BAHCC1: variants seen among roughly 807,000 people sequenced by gnomAD.
BAHCC1 encodes the protein BAH and coiled-coil domain-containing protein 1.
In BAHCC1, 43 loss-of-function variants were observed where a neutral mutation model predicts 88.2. That is an observed-to-expected ratio of 0.49 (90% CI 0.38 to 0.63). The LOEUF is 0.63. Among genes scored for constraint, BAHCC1 ranks in the 20% least tolerant of loss-of-function variants. The pLI, the probability that BAHCC1 is intolerant of heterozygous loss-of-function variation, is 0.00. For synonymous variants in BAHCC1, 1,510 were observed against 745.5 expected, an observed-to-expected ratio of 2.03 and a Z score of -16.71; for missense variants, 3,023 against 1,654.8, an observed-to-expected ratio of 1.83 and a Z score of -14.34.
intron 3 of BAHCC1, among the ~76,000 whole-genome samples, chr17:81,430,346 T>C (rs2064246484): frequency 6.6e-6 from 1 of 152,010 alleles, no homozygotes; most frequent in African/African-American, 2.4e-5. Flanking sequence ...CCACTCGTGG[T>C]CTCTTGTGCC....
chr17:81,411,806 G>A lies in BAHCC1; in HGVS notation c.178+11889G>A, dbSNP rs893151166. Among the ~76,000 whole-genome samples, 2 of 152,194 alleles carry A rather than the reference G, an allele frequency of 1.3e-5. No individual in the cohort carries two copies. Among genetic ancestry groups the A allele is most frequent in the African/African-American group, 4.8e-5 (2 of 41,434 alleles). Reference sequence around the variant, plus strand: ...CCTTTGCCTCTACCCACACCTGCACGCCTCAGCAAGGTCGTTCCCGACAAG... The same window carrying A: ...CCTTTGCCTCTACCCACACCTGCACACCTCAGCAAGGTCGTTCCCGACAAG... On this transcript the variant is annotated intron_variant, in intron 2 of 27. Transcript: ENST00000675386. This position sits in a 1 kb window ranked among gnomAD's most constrained non-coding sequence, Gnocchi z 6.2.
In BAHCC1 at chr17:81,461,283, TG is replaced by T; in HGVS notation, c.6622del (p.Val2208SerfsTer8). On this transcript the variant is annotated frameshift_variant, in exon 26 of 28. Transcript: ENST00000675386. ...GGRRRAGGEFLVKLDHEGVTS... is the reference protein window; with the variant it reads ...GGRRRAGGEFXVKLDHEGVTS... Reference sequence around the variant, plus strand: ...CGGCGGCGGGCGGGCGGTGAGTTCCTGGTCAAGCTGGACCACGAGGGTGTGA... The same window carrying T: ...CGGCGGCGGGCGGGCGGTGAGTTCCTGTCAAGCTGGACCACGAGGGTGTGA... 1 of 706,412 alleles carries T rather than the reference TG, an allele frequency of 1.4e-6. No individual in the cohort carries two copies. The highest frequency in any genetic ancestry group is 2.0e-5 in the Admixed American group (1 of 49,316). The allele number at this position is 706,412 out of a possible 1,614,324, so 43.8% of individuals were successfully genotyped here. A position where few individuals can be genotyped will look rare whatever the true frequency, so the allele number is the denominator to read the frequency against.
rs574477166 is a variant in BAHCC1 at position 81,460,616 on chromosome 17, G to A, written c.6112G>A (p.Ala2038Thr). 3.2e-5 allele frequency: 25 copies of A among 770,850 alleles called. No homozygotes were observed. Among genetic ancestry groups the A allele is most frequent in the South Asian group, 3.1e-4 (23 of 73,268 alleles). The allele number at this position is 770,850 out of a possible 1,614,324, so 47.8% of individuals were successfully genotyped here. Residue 2038 changes from alanine (A) to threonine (T), a missense_variant, in exon 25 of 28, where the codon GCC (alanine) becomes ACC (threonine). Coordinates refer to ENST00000675386, the MANE Select transcript of BAHCC1 (RefSeq NM_001377448.1). ...CAGTGAGGCACCCCCGCCTAGTGAA[G>A]CCGCCACCCCCAGCCTGTCCCCCAA... ...VSSEAPPPSE[A>T]ATPSLSPKAQ...
In BAHCC1 at chr17:81,443,891, G is replaced by T; in HGVS notation, c.2298G>T (p.Gly766=). 1.4e-6 allele frequency: 1 copy of T among 713,088 alleles called. No homozygotes were observed. The allele number at this position is 713,088 out of a possible 1,614,324, so 44.2% of individuals were successfully genotyped here. The change falls in exon 6 of 28, where the codon GGG becomes GGT. Residue 766 remains glycine (G), a synonymous_variant. Coordinates refer to ENST00000675386, the MANE Select transcript of BAHCC1 (RefSeq NM_001377448.1). Reference sequence around the variant, plus strand: ...CGAGGCTATGTGATGACCGCCTGGGGCTTGCCAGCCGCGAGCTGCTGCTGC... The same window carrying T: ...CGAGGCTATGTGATGACCGCCTGGGTCTTGCCAGCCGCGAGCTGCTGCTGC... ...ERTRLCDDRL[G]LASRELLLQD...
intron 2 of BAHCC1, among the ~76,000 whole-genome samples, chr17:81,413,455 C>G (rs1483646738): frequency 7.2e-5 from 11 of 152,156 alleles, no homozygotes; most frequent in Admixed American, 6.5e-4. Context: ...GTCTTCCCCC[C>G]ACACCACACC....
chr17:81,418,609 GA>G (rs1555649061), intron 2 of BAHCC1, among the ~76,000 whole-genome samples: 1 of 152,174 alleles, frequency 6.6e-6, no homozygotes, highest in Non-Finnish European at 1.5e-5. Flanking sequence ...CGGAGGCCAA[GA>G]GCCCTTGCCA....
chr17:81,431,682 C>T (rs1215897114), intron 3 of BAHCC1, among the ~76,000 whole-genome samples: 1 of 152,210 alleles, frequency 6.6e-6, no homozygotes, highest in East Asian at 1.9e-4. Flanking sequence ...TGGCACCTGC[C>T]TCCCCCTGGC....
Position 81,461,039 on chromosome 17 carries a change from A to T in BAHCC1, c.6376A>T (p.Asn2126Tyr). ...PGVLQNLFQL[N>Y]GSSKKLRARE... is the part of the protein sequence containing the mutation. ...GGTGCTGCAGAACCTCTTCCAGCTCAACGGCAGCAGCAAGAAGCTGCGGGC... is the reference window on the plus strand; with the variant it reads ...GGTGCTGCAGAACCTCTTCCAGCTCTACGGCAGCAGCAAGAAGCTGCGGGC... The change falls in exon 26 of 28, where the codon AAC becomes TAC. Residue 2126 changes from asparagine to tyrosine, a missense_variant. Coordinates refer to ENST00000675386, the MANE Select transcript of BAHCC1 (RefSeq NM_001377448.1). 1.3e-6 allele frequency: 1 copy of T among 772,768 alleles called. No homozygotes were observed. Among genetic ancestry groups the T allele is most frequent in the Admixed American group, 1.7e-5 (1 of 58,754 alleles). 47.9% of individuals were successfully genotyped at this position (772,768 alleles called of 1,614,324 possible).
chr17:81,398,186 A>T (rs2063765797), intron 1 of BAHCC1, among the ~76,000 whole-genome samples: 1 of 152,234 alleles, frequency 6.6e-6, no homozygotes. Flanking sequence ...CGTATTTAGA[A>T]GATGAGGAGT....
At chr17:81,426,284 T>G (rs1204546998) in intron 2 of BAHCC1, among the ~76,000 whole-genome samples, 34 of 14,528 alleles carry the variant, frequency 2.3e-3, no homozygotes, top group South Asian at 3.6e-3. Flanking sequence ...TGGGGGTGAT[T>G]GTGGTGGGTG....
chr17:81,458,834 C>T lies in BAHCC1; in HGVS notation c.5470C>T (p.Arg1824Cys), dbSNP rs201137403. Residue 1824 changes from arginine to cysteine, a missense_variant, in exon 20 of 28, where the codon CGC (arginine) becomes TGC (cysteine). Transcript: ENST00000675386. ...CCAGGGCAAGGGCCGGGCCGTGAGC[C>T]GCCTGCTGGAAAGCTTCGCCGTGGA... is the stretch of plus-strand genomic sequence containing the variant. ...GKQGKGRAVS[R>C]LLESFAVEED... 53 of 766,526 alleles carry T rather than the reference C, an allele frequency of 6.9e-5. No individual in the cohort carries two copies. The highest frequency in any genetic ancestry group is 3.7e-4 in the African/African-American group (22 of 59,046). 47.5% of individuals were successfully genotyped at this position (766,526 alleles called of 1,614,324 possible). A position where few individuals can be genotyped will look rare whatever the true frequency, so the allele number is the denominator to read the frequency against.
At chr17:81,419,733 G>A (rs2064091495) in intron 2 of BAHCC1, among the ~76,000 whole-genome samples, 3 of 152,194 alleles carry the variant, frequency 2.0e-5, no homozygotes, top group South Asian at 2.1e-4. Flanking sequence ...AGCGGGAGCC[G>A]GGAGCCTGGG....
chr17:81,406,882 G>A (rs2143227604), intron 2 of BAHCC1: 1 of 456,320 alleles, frequency 2.2e-6, no homozygotes, highest in Non-Finnish European at 4.4e-6. Context: ...AGCCAGCCGG[G>A]CTGGCATGCT....
rs1459021751 is a variant in BAHCC1 at position 81,414,999 on chromosome 17, G to A, written c.179-11801G>A. 3.3e-5 allele frequency among the ~76,000 whole-genome samples: 5 copies of A among 152,150 alleles called. No individual in the cohort carries two copies. The South Asian group carries it at 1.0e-3, about 31-fold the overall frequency. On this transcript the variant is annotated intron_variant, in intron 2 of 27. Coordinates refer to ENST00000675386, the MANE Select transcript of BAHCC1 (RefSeq NM_001377448.1). ...CAGCTGTTACCCGCCCCGGCGTACT[G>A]TCCTCGCCAGCAGCCGTGCACTCTG... is the stretch of plus-strand genomic sequence containing the variant.
rs1364531173 is a variant in BAHCC1, at chr17:81,442,600, A to G, written c.1251A>G (p.Ala417=). ...PFQAAEACAV[A]GEGKDRHLEG... Reference sequence around the variant, plus strand: ...AGGCCGCCGAGGCCTGTGCCGTGGCAGGGGAGGGCAAGGACCGGCACCTGG... The same window carrying G: ...AGGCCGCCGAGGCCTGTGCCGTGGCGGGGGAGGGCAAGGACCGGCACCTGG... The change falls in exon 5 of 28, where the codon GCA becomes GCG. Residue 417 remains alanine (A), a synonymous_variant. Transcript: ENST00000675386. 1 of 775,226 alleles carries G rather than the reference A, an allele frequency of 1.3e-6. No homozygotes were observed. The highest frequency in any genetic ancestry group is 2.4e-6 in the Non-Finnish European group (1 of 415,628). The allele number at this position is 775,226 out of a possible 1,614,324, so 48.0% of individuals were successfully genotyped here. A position where few individuals can be genotyped will look rare whatever the true frequency, so the allele number is the denominator to read the frequency against.
At chr17:81,416,111 T>C (rs1471598939) in intron 2 of BAHCC1, among the ~76,000 whole-genome samples, 2 of 130,440 alleles carry the variant, frequency 1.5e-5, no homozygotes, top group African/African-American at 7.7e-5. Flanking sequence ...AGGATGGGTG[T>C]GTGTGTGTCC....
intron 14 of BAHCC1, among the ~76,000 whole-genome samples, chr17:81,453,606 T>C (rs1218864981): frequency 1.3e-5 from 2 of 151,722 alleles, no homozygotes; most frequent in Non-Finnish European, 2.9e-5. Context: ...CCCCCAGAGC[T>C]GCCCCTGCCC....
rs1555659326 is a variant in BAHCC1, at chr17:81,461,447, A to T, written c.6784A>T (p.Ile2262Phe). The change falls in exon 26 of 28, where the codon ATC (isoleucine) becomes TTC (phenylalanine). Residue 2262 changes from isoleucine (I) to phenylalanine (F), a missense_variant. Transcript: ENST00000675386. The part of the protein sequence containing the change: ...VGKDKKGRAP[I>F]PPLPMGLALR... Reference sequence around the variant, plus strand: ...CAAGGACAAGAAGGGGCGGGCACCCATCCCCCCGCTGCCCATGGGGCTGGC... The same window carrying T: ...CAAGGACAAGAAGGGGCGGGCACCCTTCCCCCCGCTGCCCATGGGGCTGGC... The T allele has an allele frequency of 1.4e-6, 1 of 740,092 alleles. No individual in the cohort carries two copies. Among genetic ancestry groups the T allele is most frequent in the Admixed American group, 1.8e-5 (1 of 55,112 alleles). 45.8% of individuals were successfully genotyped at this position (740,092 alleles called of 1,614,324 possible).
chr17:81,443,618 C>T, intron 5 of BAHCC1, 54 bp downstream of exon 5: 1 of 620,828 alleles, frequency 1.6e-6, no homozygotes, highest in Non-Finnish European at 2.9e-6. Flanking sequence ...GGGGGCCCAG[C>T]TGGCCCTGCC....
Sources: allele counts gnomAD v4.1 joint callset (sites outside exome capture counted in the v4.1 genomes callset), GRCh38; gene constraint gnomAD v4.1.1; non-coding constraint Gnocchi (gnomAD v3.1); transcripts MANE v1.5; gene names NCBI Gene and HGNC (gene_info 2026-07-23, HGNC 2026-07-21).